Variants in INPP4B observed in about 807,000 individuals in gnomAD.
INPP4B encodes inositol polyphosphate 4-phosphatase type II.
Under a neutral mutation model 122.5 loss-of-function variants are expected in INPP4B, and 55 were observed. The ratio of observed to expected loss-of-function variants is 0.45; its 90% CI spans 0.36 to 0.56. The LOEUF is 0.56. Among genes scored for constraint, INPP4B ranks in the 20% least tolerant of loss-of-function variants. The pLI is 0.00. For missense variants in INPP4B, 1,000 were observed against 1,097.7 expected (o/e 0.91, Z 1.26); for synonymous variants, 403 against 388.7 (o/e 1.04, Z -0.43).
chr4:142,719,423 TA>T (rs1412890773), intron 2 of INPP4B, among the ~76,000 whole-genome samples: 5 of 151,782 alleles, frequency 3.3e-5, no homozygotes, highest in Non-Finnish European at 5.9e-5. Context: ...TCTCGGGGGT[TA>T]GGTGATCCTC....
intron 11 of INPP4B, among the ~76,000 whole-genome samples, chr4:142,250,244 G>A (rs1428760294): frequency 6.6e-6 from 1 of 152,192 alleles, no homozygotes; most frequent in African/African-American, 2.4e-5. Context: ...CATGAAAAGG[G>A]TGAGGCCTTA....
At chr4:142,612,152 G>A (rs1341867760) in intron 2 of INPP4B, among the ~76,000 whole-genome samples, 2 of 152,180 alleles carry the variant, frequency 1.3e-5, no homozygotes. Flanking sequence ...AAGGAGAGGA[G>A]TGTTTGCTGG....
rs537926418 is a variant in INPP4B, at chr4:142,822,999, T to C, written c.-254+23210A>G. The stretch of plus-strand genomic sequence containing the variant: ...ATCTGGGTTGAAGGAGTGGCCACCA[T>C]CTCAAAAGGTATCTGTAATCATAGC... On this transcript the variant is annotated intron_variant, in intron 1 of 25. Transcript: ENST00000262992. Among the ~76,000 whole-genome samples the C allele has an allele frequency of 3.1e-4, 47 of 152,234 alleles. 1 individual carries two copies. The highest frequency in any genetic ancestry group is 1.0e-3 in the African/African-American group (42 of 41,554).
chr4:142,272,322 G>A (rs1035416857), intron 9 of INPP4B, among the ~76,000 whole-genome samples: 4 of 151,726 alleles, frequency 2.6e-5, no homozygotes, highest in African/African-American at 7.3e-5. Flanking sequence ...ATTAAAACAC[G>A]ACTTTTGAAT....
At chr4:142,204,364 T>C (rs1349207030) in intron 14 of INPP4B, among the ~76,000 whole-genome samples, 1 of 152,144 alleles carries the variant, frequency 6.6e-6, no homozygotes, top group African/African-American at 2.4e-5. Context: ...CCTTTTCCCA[T>C]ATTTTCTTCT....
intron 7 of INPP4B, among the ~76,000 whole-genome samples, chr4:142,336,511 T>C (rs1052458256): frequency 7.2e-5 from 11 of 152,180 alleles, no homozygotes; most frequent in African/African-American, 2.4e-4. Flanking sequence ...GGAACAAACG[T>C]GAGCTGTAAC....
chr4:142,042,562 T>TATG lies in INPP4B; in HGVS notation c.2643-13649_2643-13648insCAT, dbSNP rs1560915662. On this transcript the variant is annotated intron_variant, in intron 25 of 25. Transcript: ENST00000262992. ...TGTATGTATGTATGTATGTATGTAT[T>TATG]TATTTATTTATTTATTTTTAGACAG... is the stretch of plus-strand genomic sequence containing the variant. Among the ~76,000 whole-genome samples, 337 of 34,744 alleles carry TATG rather than the reference T, an allele frequency of 9.7e-3. 1 individual carries two copies. The highest frequency in any genetic ancestry group is 0.045 in the Middle Eastern group (3 of 66). The allele number at this position is 34,744 out of a possible 152,430, so 22.8% of individuals were successfully genotyped here.
intron 7 of INPP4B, 21 bp downstream of exon 7, chr4:142,402,917 G>C (rs752694232): frequency 8.4e-7 from 1 of 1,184,508 alleles, no homozygotes; most frequent in Admixed American, 1.7e-5. Flanking sequence ...CCCAAAGAAA[G>C]AAAGAAGTAC....
chr4:142,788,334 G>T (rs1398282611), intron 1 of INPP4B, among the ~76,000 whole-genome samples: 1 of 152,144 alleles, frequency 6.6e-6, no homozygotes, highest in East Asian at 1.9e-4. Flanking sequence ...AAGAATAGAA[G>T]ATGGACTTTC....
intron 2 of INPP4B, among the ~76,000 whole-genome samples, chr4:142,637,518 G>A (rs1325794482): frequency 6.6e-6 from 1 of 152,062 alleles, no homozygotes; most frequent in Admixed American, 6.6e-5. Context: ...GTATTGTCAT[G>A]GCTTGATACT....
At chr4:142,198,528 T>G (rs1464459480) in intron 14 of INPP4B, among the ~76,000 whole-genome samples, 1 of 151,686 alleles carries the variant, frequency 6.6e-6, no homozygotes, top group Non-Finnish European at 1.5e-5. Context: ...TTTTCCCTAT[T>G]TTTACTTAAA....
intron 3 of INPP4B, among the ~76,000 whole-genome samples, chr4:142,443,063 A>G (rs552528743): frequency 5.1e-4 from 78 of 152,260 alleles, no homozygotes; most frequent in South Asian, 4.8e-3. Context: ...TCTGCCCTTG[A>G]CACATAGGGA....
intron 18 of INPP4B, among the ~76,000 whole-genome samples, chr4:142,133,692 T>C (rs955954344): frequency 1.3e-5 from 2 of 152,214 alleles, no homozygotes; most frequent in Non-Finnish European, 2.9e-5. Context: ...TCTCCTACCA[T>C]CATTATCCTT....
chr4:142,295,223 A>G (rs1758155958), intron 9 of INPP4B, among the ~76,000 whole-genome samples: 1 of 152,230 alleles, frequency 6.6e-6, no homozygotes, highest in Admixed American at 6.5e-5. Flanking sequence ...GAATCTGTCA[A>G]TGAACATCAA....
intron 11 of INPP4B, among the ~76,000 whole-genome samples, chr4:142,246,026 ACACACACG>A (rs1322842669): frequency 5.9e-5 from 8 of 135,520 alleles, no homozygotes; most frequent in African/African-American, 2.0e-4. Context: ...GTGTGTATGT[ACACACACG>A]TGTGTGTATA....
intron 7 of INPP4B, among the ~76,000 whole-genome samples, chr4:142,347,124 G>C (rs1780549398): frequency 6.6e-6 from 1 of 151,968 alleles, no homozygotes; most frequent in Non-Finnish European, 1.5e-5. Context: ...AAAAGATGTA[G>C]TTTTGGTTTC....
intron 7 of INPP4B, among the ~76,000 whole-genome samples, chr4:142,316,162 A>G (rs956454496): frequency 2.0e-5 from 3 of 152,318 alleles, no homozygotes; most frequent in Non-Finnish European, 4.4e-5. Flanking sequence ...TTATAACTCA[A>G]AATTGTTCAT....
intron 2 of INPP4B, among the ~76,000 whole-genome samples, chr4:142,653,450 G>C (rs1012953461): frequency 6.6e-6 from 1 of 152,030 alleles, no homozygotes; most frequent in East Asian, 1.9e-4. Flanking sequence ...TACTGAATGG[G>C]AGAAAATTTT....
intron 3 of INPP4B, among the ~76,000 whole-genome samples, chr4:142,451,951 C>T (rs947896684): frequency 2.0e-5 from 3 of 152,218 alleles, no homozygotes; most frequent in African/African-American, 4.8e-5. Context: ...ATGTGCCCAA[C>T]GTGCAGGTCT....
Sources: gnomAD v4.1 joint callset for allele counts (sites outside exome capture counted in the v4.1 genomes callset) on GRCh38, gnomAD v4.1.1 for gene constraint, MANE v1.5 for transcripts, NCBI Gene and HGNC (gene_info 2026-07-23, HGNC 2026-07-21) for gene names.